CTDP1: variants seen among roughly 807,000 people sequenced by gnomAD.
CTDP1 encodes the protein RNA polymerase II subunit A C-terminal domain phosphatase.
In CTDP1, 47 loss-of-function variants were observed where a neutral mutation model predicts 91.8. That is an observed-to-expected ratio of 0.51 (90% CI 0.41 to 0.65). The LOEUF (loss-of-function observed/expected upper bound fraction) is 0.65. Ranked by LOEUF, CTDP1 falls within the 30% of genes least tolerant of loss-of-function variation. The probability of loss-of-function intolerance (pLI) is 0.00; values close to 1 mark genes in which losing one functional copy is unlikely to be tolerated. For missense variants in CTDP1, 1,272 were observed against 1,373.7 expected, an observed-to-expected ratio of 0.93 and a Z score of 1.17; for synonymous variants, 656 against 598.5, an observed-to-expected ratio of 1.10 and a Z score of -1.40.
In CTDP1 at chr18:79,697,756, G is replaced by T. The variant is rs547758532; in HGVS notation, c.493-104G>T. On this transcript the variant is annotated intron_variant, in intron 3 of 12. Transcript: ENST00000613122. ...GCAGTCCATGGAGCGTGGGGGGCTG[G>T]AGGGGAACACATTGATATAGTTTTG... 104 of 1,541,378 alleles carry T rather than the reference G, an allele frequency of 6.7e-5. No homozygotes were observed. In the African/African-American group the frequency reaches 1.4e-3, roughly 20 times the overall value.
Position 79,710,326 on chromosome 18 carries a change from G to C in CTDP1, c.773-20G>C. On this transcript the variant is annotated intron_variant, in intron 5 of 12. Coordinates refer to ENST00000613122, the MANE Select transcript of CTDP1 (RefSeq NM_004715.5). ...AACGTGTCTCAGGTATGTAATCTTT[G>C]TCCTGTTTTCTTTTCCAAGGCTTTT... 2 of 1,595,448 alleles carry C rather than the reference G, an allele frequency of 1.3e-6. No homozygotes were observed. Among genetic ancestry groups the C allele is most frequent in the Non-Finnish European group, 1.7e-6 (2 of 1,163,286 alleles).
In CTDP1 at chr18:79,704,824, C is replaced by G. The variant is rs749988484; in HGVS notation, c.679C>G (p.Pro227Ala). The G allele has an allele frequency of 2.5e-6, 4 of 1,614,062 alleles. No individual in the cohort carries two copies. Among genetic ancestry groups the G allele is most frequent in the Non-Finnish European group, 3.4e-6 (4 of 1,180,050 alleles). ...GCCCATGCTGCACACGCGCCTGCGT[C>G]CACACTGCAAGGACTTCCTGGAGAA... ...GEPMLHTRLRPHCKDFLEKIA... is the reference protein window; with the variant it reads ...GEPMLHTRLRAHCKDFLEKIA... The change falls in exon 5 of 13, where the codon CCA becomes GCA. Residue 227 changes from proline to alanine, a missense_variant. By Grantham distance (27) the Pro-to-Ala change is conservative. Coordinates refer to ENST00000613122, the MANE Select transcript of CTDP1 (RefSeq NM_004715.5).
At chr18:79,712,542 G>A (rs968064161) in intron 6 of CTDP1, among the ~76,000 whole-genome samples, 2 of 152,160 alleles carry the variant, frequency 1.3e-5, no homozygotes, top group Admixed American at 6.5e-5. Flanking sequence ...AAGACCTCCC[G>A]AAGTGCTGGA....
At chr18:79,742,412 A>G (rs2086799499) in intron 12 of CTDP1, among the ~76,000 whole-genome samples, 1 of 152,198 alleles carries the variant, frequency 6.6e-6, no homozygotes, top group African/African-American at 2.4e-5. Context: ...AGGCCCCTGT[A>G]TCCAGCAAAA....
At chr18:79,727,555 T>G (rs1256875625) in intron 10 of CTDP1, among the ~76,000 whole-genome samples, 2 of 152,164 alleles carry the variant, frequency 1.3e-5, no homozygotes, top group Non-Finnish European at 2.9e-5. Context: ...CCGTGAAGAG[T>G]GGACTTTGAC....
At position 79,728,825 on chromosome 18, in the gene CTDP1, G is replaced by A. The variant is rs111655743; in HGVS notation, c.2418-82G>A. On this transcript the variant is annotated intron_variant, in intron 10 of 12. Coordinates refer to ENST00000613122, the MANE Select transcript of CTDP1 (RefSeq NM_004715.5). Reference sequence around the variant, plus strand: ...GGGTGTGTGAGTGTTTACCTAGTCCGAGAGCCAGGAGTCTGATTCGGTGCG... The same window carrying A: ...GGGTGTGTGAGTGTTTACCTAGTCCAAGAGCCAGGAGTCTGATTCGGTGCG... 74,175 of 1,416,602 alleles carry A rather than the reference G, an allele frequency of 0.052. 2,388 individuals carry two copies. The highest frequency in any genetic ancestry group is 0.15 in the South Asian group (12,319 of 83,636). The allele number at this position is 1,416,602 out of a possible 1,614,324, so 87.8% of individuals were successfully genotyped here. A position where few individuals can be genotyped will look rare whatever the true frequency, so the allele number is the denominator to read the frequency against.
intron 5 of CTDP1, 27 bp from the exon 6 acceptor site, chr18:79,710,319 A>G: frequency 6.3e-7 from 1 of 1,579,214 alleles, no homozygotes; most frequent in Non-Finnish European, 8.7e-7. Context: ...TCAGGTATGT[A>G]ATCTTTGTCC....
chr18:79,735,905 G>A (rs1055209593), intron 11 of CTDP1: 3 of 203,124 alleles, frequency 1.5e-5, no homozygotes, highest in South Asian at 8.3e-5. Flanking sequence ...CCTGTGGCAC[G>A]GCCACGTCTC....
intron 12 of CTDP1, among the ~76,000 whole-genome samples, chr18:79,736,791 A>C (rs1028678794): frequency 8.0e-5 from 12 of 150,810 alleles, no homozygotes; most frequent in Non-Finnish European, 3.0e-5. Context: ...TGGGGTGTCT[A>C]CACGTGCACA....
intron 12 of CTDP1, among the ~76,000 whole-genome samples, chr18:79,739,361 G>C (rs1452463548): frequency 6.6e-6 from 1 of 152,020 alleles, no homozygotes; most frequent in Non-Finnish European, 1.5e-5. Context: ...AGCTGCTGAA[G>C]ACTTGGGGGC....
intron 10 of CTDP1, among the ~76,000 whole-genome samples, chr18:79,719,139 A>C (rs1381953141): frequency 6.6e-6 from 1 of 152,206 alleles, no homozygotes; most frequent in Non-Finnish European, 1.5e-5. Context: ...CTTTCGGGAG[A>C]GGCCGCTCCC....
chr18:79,723,574 C>T (rs1398445817), intron 10 of CTDP1, among the ~76,000 whole-genome samples: 2 of 152,140 alleles, frequency 1.3e-5, no homozygotes, highest in Non-Finnish European at 2.9e-5. Context: ...TGGGAACATT[C>T]AGTTTTTTGG....
intron 1 of CTDP1, among the ~76,000 whole-genome samples, chr18:79,682,382 C>T (rs544911639): frequency 7.9e-5 from 12 of 152,328 alleles, no homozygotes; most frequent in African/African-American, 2.9e-4. Flanking sequence ...TAGCGCCCTG[C>T]AGTGTGGACT....
intron 11 of CTDP1, 82 bp from the exon 12 acceptor site, chr18:79,736,273 C>T: frequency 6.5e-7 from 1 of 1,536,894 alleles, no homozygotes; most frequent in South Asian, 1.2e-5. Flanking sequence ...ACTCAGAGCC[C>T]TGGACTCTGC....
upstream of CTDP1, chr18:79,678,155 G>A (rs2085276955): frequency 6.6e-6 from 1 of 152,188 alleles, no homozygotes; most frequent in Non-Finnish European, 1.5e-5. Context: ...ACATTTAAAT[G>A]GTTTTGAGAA....
In CTDP1 at chr18:79,679,851, T is replaced by C; in HGVS notation, c.-97T>C. On this transcript the variant is annotated 5_prime_UTR_variant, in exon 1 of 13. Coordinates refer to ENST00000613122, the MANE Select transcript of CTDP1 (RefSeq NM_004715.5). ...GGTGGAAGCCGGTACCGAGAGGAAC[T>C]ACAGCGTCGCCGCCTGGGTTGTGTC... is the stretch of plus-strand genomic sequence containing the variant. 1 of 1,179,998 alleles carries C rather than the reference T, an allele frequency of 8.5e-7. No individual in the cohort carries two copies. The highest frequency in any genetic ancestry group is 3.4e-5 in the East Asian group (1 of 29,258). 73.1% of individuals were successfully genotyped at this position (1,179,998 alleles called of 1,614,324 possible).
chr18:79,736,262 C>G, intron 11 of CTDP1, 93 bp from the exon 12 acceptor site: 1 of 1,499,564 alleles, frequency 6.7e-7, no homozygotes, highest in Non-Finnish European at 9.1e-7. Flanking sequence ...CACCCTGCTG[C>G]ACTCAGAGCC....
At position 79,704,870 on chromosome 18, in the gene CTDP1, T is replaced by C; in HGVS notation, c.725T>C (p.Leu242Pro). Residue 242 changes from leucine (L) to proline (P), a missense_variant, in exon 5 of 13, where the codon CTG (leucine) becomes CCG (proline). Leu to Pro is a moderately conservative substitution (Grantham distance 98). Around this residue, in one of 3 missense-constraint regions of CTDP1, gnomAD observed 177 missense variants for 283.0 expected, o/e 0.63. Coordinates refer to ENST00000613122, the MANE Select transcript of CTDP1 (RefSeq NM_004715.5). Reference protein sequence around the residue: ...FLEKIAKLYELHVFTFGSRLY... With the variant: ...FLEKIAKLYEPHVFTFGSRLY... ...GAGAAGATCGCCAAGCTGTACGAGC[T>C]GCACGTCTTCACCTTCGGCAGCCGG... The C allele has an allele frequency of 6.2e-7, 1 of 1,613,926 alleles. No individual in the cohort carries two copies. Among genetic ancestry groups the C allele is most frequent in the Non-Finnish European group, 8.5e-7 (1 of 1,180,050 alleles).
At chr18:79,749,326 G>A (rs2086945894) in intron 12 of CTDP1, among the ~76,000 whole-genome samples, 2 of 151,834 alleles carry the variant, frequency 1.3e-5, no homozygotes, top group Admixed American at 6.6e-5. Flanking sequence ...CGGGGCCCCT[G>A]CCCCTGCCCC....
Sources: allele counts gnomAD v4.1 joint callset (sites outside exome capture counted in the v4.1 genomes callset), GRCh38; gene constraint gnomAD v4.1.1; regional missense constraint gnomAD v4.1.1; transcripts MANE v1.5; gene names NCBI Gene and HGNC (gene_info 2026-07-23, HGNC 2026-07-21).